RBFOX1: variants seen among roughly 807,000 people sequenced by gnomAD.
RBFOX1 encodes RNA binding protein fox-1 homolog 1.
RBFOX1 carries 8 observed loss-of-function variants against 57.7 expected under a neutral mutation model. That is an observed-to-expected ratio of 0.14 (90% CI 0.08 to 0.25). The LOEUF (loss-of-function observed/expected upper bound fraction) is 0.25, where lower values mean the gene tolerates loss of function less well. RBFOX1 is among the 10% of genes least tolerant of loss of function. RBFOX1 has a pLI of 1.00. For missense variants in RBFOX1, 611 were observed against 548.5 expected, an observed-to-expected ratio of 1.11 and a Z score of -1.14; for synonymous variants, 326 against 222.4, an observed-to-expected ratio of 1.47 and a Z score of -4.15.
chr16:6,931,573 C>T lies in RBFOX1; in HGVS notation c.-15-120484C>T, dbSNP rs991980640. Among the ~76,000 whole-genome samples, 4 of 152,088 alleles carry T rather than the reference C, an allele frequency of 2.6e-5. 1 individual carries two copies. The highest frequency in any genetic ancestry group is 4.1e-4 in the South Asian group (2 of 4,822). On this transcript the variant is annotated intron_variant, in intron 3 of 15. Transcript: ENST00000550418. ...AGGGCTTTGTCAATTCACACTCTTG[C>T]CACCCTACAATGGACAACATATCCC...
At chr16:7,262,000 T>A (rs2094936905) in intron 4 of RBFOX1, among the ~76,000 whole-genome samples, 1 of 152,334 alleles carries the variant, frequency 6.6e-6, no homozygotes, top group South Asian at 2.1e-4. Flanking sequence ...CTTTTCCTGA[T>A]TATCCCTTTC....
At chr16:5,584,833 T>G (rs1487399525) in intron 2 of RBFOX1, among the ~76,000 whole-genome samples, 1 of 152,228 alleles carries the variant, frequency 6.6e-6, no homozygotes, top group East Asian at 1.9e-4. Flanking sequence ...CCTATTAATT[T>G]TAATGGCTTT....
intron 3 of RBFOX1, among the ~76,000 whole-genome samples, chr16:5,752,444 CCAAA>C (rs1338176063): frequency 6.6e-6 from 1 of 152,186 alleles, no homozygotes; most frequent in African/African-American, 2.4e-5. Flanking sequence ...ACATTTTGCT[CCAAA>C]CATTCACTAT....
At chr16:5,785,754 C>T (rs745404571) in intron 3 of RBFOX1, among the ~76,000 whole-genome samples, 39 of 151,994 alleles carry the variant, frequency 2.6e-4, no homozygotes, top group Admixed American at 5.2e-4. Context: ...CTTGAACTCC[C>T]GACCTCAGGT....
At chr16:6,983,906 G>C (rs1565636) in intron 3 of RBFOX1, among the ~76,000 whole-genome samples, 5,709 of 152,212 alleles carry the variant, frequency 0.038, 383 homozygotes, top group African/African-American at 0.13. Context: ...CTCTTAGCAT[G>C]TAGTAATGTG....
rs71404561 is a variant in RBFOX1, at chr16:5,908,070, G to GTA, written c.351+40750_351+40751dup. On this transcript the variant is annotated intron_variant, in intron 4 of 19. Coordinates refer to the RBFOX1 transcript ENST00000641259. ...CTGGTAGATGTATGTATGTGTGTAT[G>GTA]TATATATATATATATACACATATAT... Among the ~76,000 whole-genome samples the GTA allele has an allele frequency of 2.6e-3, 337 of 129,054 alleles. 5 individuals carry two copies. The highest frequency in any genetic ancestry group is 0.01 in the East Asian group (49 of 4,726). 84.7% of individuals were successfully genotyped at this position (129,054 alleles called of 152,430 possible).
intron 3 of RBFOX1, among the ~76,000 whole-genome samples, chr16:6,953,638 C>G (rs1410163041): frequency 6.6e-6 from 1 of 152,168 alleles, no homozygotes; most frequent in Non-Finnish European, 1.5e-5. Flanking sequence ...CCACTCATCT[C>G]GGCCTCCCAA....
At chr16:7,342,261 A>G (rs1044295665) in intron 4 of RBFOX1, among the ~76,000 whole-genome samples, 2 of 152,126 alleles carry the variant, frequency 1.3e-5, no homozygotes, top group African/African-American at 2.4e-5. Context: ...AGGCCTTTGC[A>G]GTGTAGTCAT....
At chr16:5,459,144 C>T (rs1405269556) in intron 1 of RBFOX1, among the ~76,000 whole-genome samples, 2 of 152,186 alleles carry the variant, frequency 1.3e-5, no homozygotes, top group African/African-American at 4.8e-5. Context: ...CTTTTCTTGG[C>T]GATGGAGTTC....
chr16:7,259,670 A>T (rs1046451089), intron 4 of RBFOX1, among the ~76,000 whole-genome samples: 11 of 152,166 alleles, frequency 7.2e-5, no homozygotes, highest in African/African-American at 2.4e-4. Context: ...TTTTATCACT[A>T]ACTTGAGAGG....
intron 3 of RBFOX1, chr16:6,773,973 C>G (rs2078901217): frequency 3.2e-5 from 32 of 985,158 alleles, no homozygotes; most frequent in Non-Finnish European, 3.7e-5. Context: ...CATGGTCCTC[C>G]CGTTTTCAAC....
intron 3 of RBFOX1, among the ~76,000 whole-genome samples, chr16:6,656,531 G>A (rs17140844): frequency 0.016 from 2,468 of 151,924 alleles, 66 homozygotes; most frequent in African/African-American, 0.053. Flanking sequence ...GCATCTTGGT[G>A]GGAAAAAGTC....
intron 1 of RBFOX1, among the ~76,000 whole-genome samples, chr16:6,218,808 A>G (rs1013150097): frequency 5.3e-5 from 8 of 151,718 alleles, no homozygotes; most frequent in African/African-American, 1.9e-4. Flanking sequence ...TCGGAATCTC[A>G]GTTAAGCTTA....
intron 4 of RBFOX1, among the ~76,000 whole-genome samples, chr16:5,932,541 G>C (rs1354825035): frequency 2.0e-5 from 3 of 152,200 alleles, no homozygotes; most frequent in Non-Finnish European, 4.4e-5. Context: ...GTGAGCGAAT[G>C]AGTGAGTGTT....
chr16:7,673,296 A>C (rs2072185471), intron 13 of RBFOX1, among the ~76,000 whole-genome samples: 1 of 152,176 alleles, frequency 6.6e-6, no homozygotes, highest in African/African-American at 2.4e-5. Flanking sequence ...ATATTGTCCC[A>C]AGGAGTTCCA....
chr16:6,527,597 A>T (rs2096598982), intron 2 of RBFOX1, among the ~76,000 whole-genome samples: 1 of 152,188 alleles, frequency 6.6e-6, no homozygotes, highest in Non-Finnish European at 1.5e-5. Flanking sequence ...CTAAATTGTA[A>T]TTGCATGCAC....
chr16:5,331,278 C>T (rs75193801), intron 1 of RBFOX1, among the ~76,000 whole-genome samples: 8 of 152,296 alleles, frequency 5.3e-5, no homozygotes, highest in South Asian at 2.1e-4. Context: ...ATGTATCTCA[C>T]GTGCTTTGGG....
At chr16:7,158,993 C>G (rs2077721698) in intron 4 of RBFOX1, among the ~76,000 whole-genome samples, 1 of 152,012 alleles carries the variant, frequency 6.6e-6, no homozygotes, top group Admixed American at 6.6e-5. Context: ...CCACAAGGAT[C>G]CCTCAGATTC....
At chr16:6,539,524 G>C (rs907247227) in intron 2 of RBFOX1, among the ~76,000 whole-genome samples, 1 of 152,056 alleles carries the variant, frequency 6.6e-6, no homozygotes, top group African/African-American at 2.4e-5. Context: ...ACAGTCAGGT[G>C]CAGTGGCTCA....
Sources: gnomAD v4.1 joint callset for allele counts (sites outside exome capture counted in the v4.1 genomes callset) on GRCh38, gnomAD v4.1.1 for gene constraint, MANE v1.5 for transcripts, NCBI Gene and HGNC (gene_info 2026-07-23, HGNC 2026-07-21) for gene names.